MYO1B: variants seen among roughly 807,000 people sequenced by gnomAD.
MYO1B encodes the protein myosin IB.
A neutral mutation model predicts 159.7 loss-of-function variants in MYO1B; 72 were observed. The observed-to-expected ratio is 0.45, with a 90% CI of 0.37 to 0.55. MYO1B has a LOEUF of 0.55. MYO1B is among the 20% of genes least tolerant of loss of function. The pLI is 0.00. For missense variants in MYO1B, 1,062 were observed against 1,364.8 expected, an observed-to-expected ratio of 0.78 and a Z score of 3.50; for synonymous variants, 468 against 473.8, an observed-to-expected ratio of 0.99 and a Z score of 0.16.
rs111921717 is a variant in MYO1B at position 191,409,510 on chromosome 2, A to G, written c.2766+332A>G. On this transcript the variant is annotated intron_variant, in intron 26 of 30. Coordinates refer to ENST00000392318, the MANE Select transcript of MYO1B (RefSeq NM_001130158.3). ...TTTGTCTAAAGGAATACTGTAGGAC[A>G]GAGAAATCATAAAATTTGGACACCT... 4.0e-3 allele frequency among the ~76,000 whole-genome samples: 602 copies of G among 152,360 alleles called. 2 individuals carry two copies. Among genetic ancestry groups the G allele is most frequent in the African/African-American group, 0.014 (581 of 41,586 alleles).
chr2:191,399,731 A>G (rs1248760932), intron 21 of MYO1B, among the ~76,000 whole-genome samples: 2 of 148,130 alleles, frequency 1.4e-5, no homozygotes, highest in Non-Finnish European at 3.0e-5. Context: ...GTTGTCTCAC[A>G]GCAAATGGCA....
chr2:191,251,173 C>T (rs373724630), intron 1 of MYO1B, among the ~76,000 whole-genome samples: 4 of 152,220 alleles, frequency 2.6e-5, no homozygotes, highest in Admixed American at 2.0e-4. Context: ...TTTCTTACCC[C>T]CTTGCTGGCC....
At chr2:191,405,275 T>C (rs1248035268) in intron 24 of MYO1B, among the ~76,000 whole-genome samples, 1 of 152,242 alleles carries the variant, frequency 6.6e-6, no homozygotes, top group Non-Finnish European at 1.5e-5. Context: ...GTTTCACTTC[T>C]AATTCTAGTT....
intron 24 of MYO1B, among the ~76,000 whole-genome samples, chr2:191,406,847 G>T (rs1696946738): frequency 6.6e-6 from 1 of 152,176 alleles, no homozygotes; most frequent in Non-Finnish European, 1.5e-5. Context: ...AATGAGGTAT[G>T]CCTGTAAAAA....
rs774973707 is a variant in MYO1B at position 191,387,344 on chromosome 2, C to A, written c.1675C>A (p.Pro559Thr). 2 of 1,614,158 alleles carry A rather than the reference C, an allele frequency of 1.2e-6. No homozygotes were observed. The highest frequency in any genetic ancestry group is 8.5e-7 in the Non-Finnish European group (1 of 1,180,032). ...LIKSLFPEGN[P>T]AKINLKRPPT... is the part of the protein sequence containing the mutation. ...CAAGTCTTTGTTCCCCGAAGGGAAT[C>A]CCGCCAAGATCAACCTGAAAAGGCC... The change falls in exon 17 of 31, where the codon CCC becomes ACC. Residue 559 changes from proline (P) to threonine (T), a missense_variant. Pro to Thr is a conservative substitution (Grantham distance 38, BLOSUM62 -1). Around this residue, in one of 5 missense-constraint regions of MYO1B, gnomAD observed 609 missense variants for 744.4 expected, o/e 0.82. Coordinates refer to ENST00000392318, the MANE Select transcript of MYO1B (RefSeq NM_001130158.3).
At position 191,308,379 on chromosome 2, in the gene MYO1B, G is replaced by A. The variant is rs565872785; in HGVS notation, c.251+12153G>A. 2.0e-5 allele frequency among the ~76,000 whole-genome samples: 3 copies of A among 152,296 alleles called. No individual in the cohort carries two copies. In the East Asian group the frequency reaches 5.8e-4, roughly 29 times the overall value. On this transcript the variant is annotated intron_variant, in intron 3 of 30. Coordinates refer to ENST00000392318, the MANE Select transcript of MYO1B (RefSeq NM_001130158.3). ...TCGAATCCTGGCTTCCTGAAGCCAG[G>A]TTATTGTTGGAGTTTCTGTATACAA...
chr2:191,297,010 A>G (rs1689021789), intron 3 of MYO1B, among the ~76,000 whole-genome samples: 1 of 152,340 alleles, frequency 6.6e-6, no homozygotes, highest in East Asian at 1.9e-4. Context: ...AGTTGGAGAG[A>G]GAATACCCAG....
chr2:191,373,425 T>C (rs1257044208), intron 13 of MYO1B, among the ~76,000 whole-genome samples: 2 of 152,162 alleles, frequency 1.3e-5, no homozygotes, highest in South Asian at 2.1e-4. Flanking sequence ...ATTCCAAACA[T>C]GTGGTGTTCA....
intron 3 of MYO1B, among the ~76,000 whole-genome samples, chr2:191,319,610 G>C (rs543057939): frequency 6.6e-6 from 1 of 152,176 alleles, no homozygotes; most frequent in Non-Finnish European, 1.5e-5. Context: ...ATAAACCCTG[G>C]GTATGGCAGG....
chr2:191,276,559 G>A (rs1687763111), intron 1 of MYO1B, among the ~76,000 whole-genome samples: 1 of 152,144 alleles, frequency 6.6e-6, no homozygotes, highest in Non-Finnish European at 1.5e-5. Context: ...GTAGGGGTGG[G>A]TTAGGTTTTT....
chr2:191,400,744 C>G lies in MYO1B; in HGVS notation c.2383-5C>G, dbSNP rs1361149129. ...TTCTGTAACTCCTTTTCAAATGCAT[C>G]ACAGGCACGAAGGGAACTGAGACGG... On this transcript the variant is annotated splice_region_variant and splice_polypyrimidine_tract_variant and intron_variant, in intron 22 of 30. Coordinates refer to ENST00000392318, the MANE Select transcript of MYO1B (RefSeq NM_001130158.3). 1.2e-6 allele frequency: 2 copies of G among 1,613,578 alleles called. No individual in the cohort carries two copies. The highest frequency in any genetic ancestry group is 2.2e-5 in the South Asian group (2 of 90,966).
chr2:191,344,956 A>G (rs1182496770), intron 5 of MYO1B, among the ~76,000 whole-genome samples: 3 of 152,034 alleles, frequency 2.0e-5, no homozygotes, highest in Non-Finnish European at 1.5e-5. Flanking sequence ...TCTCTCCTTG[A>G]TCAGAGACTT....
intron 7 of MYO1B, among the ~76,000 whole-genome samples, chr2:191,353,196 A>G (rs1413614067): frequency 6.6e-6 from 1 of 152,218 alleles, no homozygotes; most frequent in Admixed American, 6.5e-5. Flanking sequence ...TAGAGAAGAT[A>G]AAATATAGAA....
At chr2:191,339,241 A>G (rs942773026) in intron 4 of MYO1B, among the ~76,000 whole-genome samples, 1 of 152,208 alleles carries the variant, frequency 6.6e-6, no homozygotes, top group African/African-American at 2.4e-5. Flanking sequence ...CAGAGAGCCT[A>G]GAAAGTATCC....
At chr2:191,323,157 G>A (rs1690839260) in intron 3 of MYO1B, among the ~76,000 whole-genome samples, 1 of 152,128 alleles carries the variant, frequency 6.6e-6, no homozygotes, top group African/African-American at 2.4e-5. Context: ...TAATTAGTGT[G>A]TAATGAGCAG....
chr2:191,412,202 T>C (rs767427102), intron 27 of MYO1B, among the ~76,000 whole-genome samples: 6 of 152,230 alleles, frequency 3.9e-5, no homozygotes, highest in African/African-American at 9.6e-5. Context: ...GTGCCTGTTA[T>C]ATAAAGCATA....
At chr2:191,283,322 A>G (rs569588620) in intron 2 of MYO1B, among the ~76,000 whole-genome samples, 1 of 18,442 alleles carries the variant, frequency 5.4e-5, no homozygotes, top group African/African-American at 9.1e-5. Flanking sequence ...AGCTAAACCT[A>G]AGGTTTGATT....
At chr2:191,276,509 T>C (rs115399842) in intron 1 of MYO1B, among the ~76,000 whole-genome samples, 1,852 of 152,322 alleles carry the variant, frequency 0.012, 21 homozygotes, top group Non-Finnish European at 0.021. Flanking sequence ...AGGAAGCAGG[T>C]TCATATAGTC....
In MYO1B at chr2:191,346,236, CT is replaced by C; in HGVS notation, c.456del (p.Phe152LeufsTer7). 6.4e-7 allele frequency: 1 copy of C among 1,566,028 alleles called. No individual in the cohort carries two copies. On this transcript the variant is annotated frameshift_variant and splice_region_variant, in exon 6 of 31. Coordinates refer to ENST00000392318, the MANE Select transcript of MYO1B (RefSeq NM_001130158.3). LOFTEE classifies it high-confidence loss of function. ...CATACATCTGTTTCTTTCCTACTAGCTTTTGGAAATGCCAAAACTGTAAGGA... is the reference window on the plus strand; with the variant it reads ...CATACATCTGTTTCTTTCCTACTAGCTTTGGAAATGCCAAAACTGTAAGGA... ...QLLQSNPVLE[A>X]FGNAKTVRND...
Sources: gnomAD v4.1 joint callset for allele counts (sites outside exome capture counted in the v4.1 genomes callset) on GRCh38, gnomAD v4.1.1 for gene constraint, gnomAD v4.1.1 regional missense constraint, MANE v1.5 for transcripts, NCBI Gene and HGNC (gene_info 2026-07-23, HGNC 2026-07-21) for gene names.